PTPRD: variants seen among roughly 807,000 people sequenced by gnomAD.
PTPRD encodes the protein receptor-type tyrosine-protein phosphatase delta.
Under a neutral mutation model 214.5 loss-of-function variants are expected in PTPRD, and 34 were observed. The ratio of observed to expected loss-of-function variants is 0.16; its 90% CI spans 0.12 to 0.21. The LOEUF is 0.21. Among genes scored for constraint, PTPRD ranks in the 10% least tolerant of loss-of-function variants. The probability of loss-of-function intolerance (pLI) is 1.00; values close to 1 mark genes in which losing one functional copy is unlikely to be tolerated. For missense variants in PTPRD, 2,545 were observed against 2,398.7 expected (o/e 1.06, Z -1.27); for synonymous variants, 1,128 against 845.7 (o/e 1.33, Z -5.79).
chr9:8,375,358 G>A (rs2082907076), intron 39 of PTPRD, among the ~76,000 whole-genome samples: 1 of 151,908 alleles, frequency 6.6e-6, no homozygotes, highest in Non-Finnish European at 1.5e-5. Context: ...TATTACCTTT[G>A]AGTACATAAA....
intron 3 of PTPRD, among the ~76,000 whole-genome samples, chr9:10,088,698 T>A (rs982720302): frequency 2.6e-5 from 4 of 151,916 alleles, no homozygotes; most frequent in African/African-American, 9.6e-5. Context: ...TTAGTTTCCT[T>A]GTTTATAAAA....
intron 7 of PTPRD, among the ~76,000 whole-genome samples, chr9:9,689,378 T>G (rs1369560764): frequency 6.6e-6 from 1 of 151,878 alleles, no homozygotes; most frequent in Non-Finnish European, 1.5e-5. Flanking sequence ...ATTTTACTTT[T>G]TATTGATATA....
intron 2 of PTPRD, among the ~76,000 whole-genome samples, chr9:10,483,963 A>G (rs531995046): frequency 6.6e-6 from 1 of 152,136 alleles, no homozygotes; most frequent in African/African-American, 2.4e-5. Flanking sequence ...ATATCAAAAA[A>G]CATTCAAACA....
In PTPRD at chr9:10,591,877, G is replaced by T. The variant is rs186579313; in HGVS notation, c.-600+20521C>A. On this transcript the variant is annotated intron_variant, in intron 2 of 45. Transcript: ENST00000381196. ...CCACATGGCAAGGTATTGTAGTTGA[G>T]ACATGGATCCTCCAGACTGAGTCAG... 2.7e-4 allele frequency among the ~76,000 whole-genome samples: 41 copies of T among 152,200 alleles called. No individual in the cohort carries two copies. The South Asian group carries it at 8.5e-3, about 32-fold the overall frequency.
At chr9:10,344,629 C>T (rs2097029463) in intron 2 of PTPRD, among the ~76,000 whole-genome samples, 1 of 152,036 alleles carries the variant, frequency 6.6e-6, no homozygotes, top group African/African-American at 2.4e-5. Context: ...GGTAGTATGG[C>T]CATTTTCACG....
chr9:9,022,373 G>C (rs1431623856), intron 10 of PTPRD, among the ~76,000 whole-genome samples: 1 of 151,968 alleles, frequency 6.6e-6, no homozygotes. Flanking sequence ...CATTGTAAGT[G>C]TCCTATGCAG....
At chr9:8,431,894 G>T (rs972727088) in intron 35 of PTPRD, among the ~76,000 whole-genome samples, 1 of 152,222 alleles carries the variant, frequency 6.6e-6, no homozygotes, top group African/African-American at 2.4e-5. Flanking sequence ...AATAGTTTCA[G>T]AAGGAATGGT....
intron 7 of PTPRD, among the ~76,000 whole-genome samples, chr9:9,590,106 A>G (rs565126193): frequency 7.4e-4 from 112 of 152,200 alleles, no homozygotes; most frequent in African/African-American, 2.6e-3. Context: ...AATACAAGCC[A>G]GTTGGCTAAA....
chr9:10,331,282 T>C (rs930026156), intron 3 of PTPRD, among the ~76,000 whole-genome samples: 3 of 151,826 alleles, frequency 2.0e-5, no homozygotes, highest in African/African-American at 4.8e-5. Context: ...CATCTGGCCA[T>C]GGCTTTGGAC....
At chr9:9,215,417 C>A (rs984278602) in intron 9 of PTPRD, among the ~76,000 whole-genome samples, 1 of 152,092 alleles carries the variant, frequency 6.6e-6, no homozygotes, top group African/African-American at 2.4e-5. Context: ...GCCTACCACA[C>A]AGAATTGCTA....
intron 5 of PTPRD, among the ~76,000 whole-genome samples, chr9:9,927,401 T>C (rs918265542): frequency 2.6e-5 from 4 of 152,166 alleles, no homozygotes; most frequent in African/African-American, 9.6e-5. Context: ...TCACCATTTC[T>C]GTATGTACTA....
chr9:9,140,855 G>C (rs2099859164), intron 10 of PTPRD, among the ~76,000 whole-genome samples: 1 of 152,168 alleles, frequency 6.6e-6, no homozygotes, highest in Admixed American at 6.5e-5. Flanking sequence ...TGGGATTACA[G>C]GCGTGAGCCA....
intron 12 of PTPRD, among the ~76,000 whole-genome samples, chr9:8,646,284 C>T (rs1227775728): frequency 2.6e-5 from 4 of 152,120 alleles, no homozygotes; most frequent in Non-Finnish European, 4.4e-5. Context: ...ACTATGGATC[C>T]TTCTTTTGTT....
At chr9:8,719,059 AAACT>A (rs1261411749) in intron 12 of PTPRD, among the ~76,000 whole-genome samples, 1 of 152,154 alleles carries the variant, frequency 6.6e-6, no homozygotes, top group Non-Finnish European at 1.5e-5. Context: ...CCATGATTAC[AAACT>A]GTTTCTTCAC....
chr9:10,129,003 T>A (rs191275222), intron 3 of PTPRD, among the ~76,000 whole-genome samples: 272 of 152,274 alleles, frequency 1.8e-3, no homozygotes, highest in Middle Eastern at 6.8e-3. Context: ...GCTTTGGGAA[T>A]ACACAAAGAT....
intron 2 of PTPRD, among the ~76,000 whole-genome samples, chr9:10,343,172 C>T (rs970845558): frequency 6.6e-6 from 1 of 151,974 alleles, no homozygotes. Context: ...GTTCCTCACC[C>T]TGTGTCCAGG....
chr9:10,270,078 T>G (rs2094333514), intron 3 of PTPRD, among the ~76,000 whole-genome samples: 1 of 151,932 alleles, frequency 6.6e-6, no homozygotes, highest in Non-Finnish European at 1.5e-5. Flanking sequence ...TCAGTAGTAT[T>G]TTTGTTTGTA....
chr9:8,817,985 A>C (rs565692052), intron 11 of PTPRD, among the ~76,000 whole-genome samples: 161 of 152,318 alleles, frequency 1.1e-3, no homozygotes, highest in South Asian at 2.1e-3. Flanking sequence ...TAAATTTTAC[A>C]ACCTGAGCTT....
At chr9:9,114,523 T>C (rs556023374) in intron 10 of PTPRD, among the ~76,000 whole-genome samples, 2 of 152,040 alleles carry the variant, frequency 1.3e-5, no homozygotes, top group Non-Finnish European at 2.9e-5. Context: ...GCTAACACTT[T>C]TTAACCACAT....
Sources: allele counts gnomAD v4.1 joint callset (sites outside exome capture counted in the v4.1 genomes callset), GRCh38; gene constraint gnomAD v4.1.1; transcripts MANE v1.5; gene names NCBI Gene and HGNC (gene_info 2026-07-23, HGNC 2026-07-21).